MTUS2: variants seen among roughly 807,000 people sequenced by gnomAD.
The protein encoded by MTUS2 is microtubule-associated tumor suppressor candidate 2.
MTUS2 carries 40 observed loss-of-function variants against 114.1 expected under a neutral mutation model. The ratio of observed to expected loss-of-function variants is 0.35; its 90% confidence interval spans 0.27 to 0.46. MTUS2 has a LOEUF of 0.46. MTUS2 is among the 20% of genes least tolerant of loss of function. The probability of loss-of-function intolerance (pLI) is 1.00; values close to 1 mark genes in which losing one functional copy is unlikely to be tolerated. For synonymous variants in MTUS2, 688 were observed against 672.0 expected (o/e 1.02, Z -0.37); for missense variants, 1,679 against 1,705.4 (o/e 0.98, Z 0.27).
At chr13:29,481,315 C>T (rs1881153122) in intron 10 of MTUS2, among the ~76,000 whole-genome samples, 2 of 152,206 alleles carry the variant, frequency 1.3e-5, no homozygotes, top group Admixed American at 1.3e-4. Context: ...TTGTCCATGA[C>T]TGCCGTTAGC....
At chr13:29,209,691 T>C (rs556221043) in intron 5 of MTUS2, among the ~76,000 whole-genome samples, 3 of 152,304 alleles carry the variant, frequency 2.0e-5, no homozygotes, top group African/African-American at 7.2e-5. Context: ...TTATGAAGCT[T>C]AGTTTCATGA....
chr13:29,433,178 T>C (rs1430198002), intron 8 of MTUS2, among the ~76,000 whole-genome samples: 1 of 152,228 alleles, frequency 6.6e-6, no homozygotes, highest in Non-Finnish European at 1.5e-5. Flanking sequence ...TATTCCCTTA[T>C]TAACTACAGC....
intron 6 of MTUS2, among the ~76,000 whole-genome samples, chr13:29,286,072 C>T (rs901112911): frequency 6.6e-6 from 1 of 152,012 alleles, no homozygotes; most frequent in East Asian, 1.9e-4. Context: ...ATTACAGATG[C>T]GTGCCACCAT....
intron 2 of MTUS2, among the ~76,000 whole-genome samples, chr13:28,896,652 T>C (rs1316833117): frequency 1.3e-5 from 2 of 152,244 alleles, no homozygotes; most frequent in African/African-American, 4.8e-5. Flanking sequence ...CTTCAAACTA[T>C]ACTACAAGGC....
At chr13:28,849,960 G>A (rs1593244362) in intron 2 of MTUS2, among the ~76,000 whole-genome samples, 1 of 152,086 alleles carries the variant, frequency 6.6e-6, no homozygotes, top group Non-Finnish European at 1.5e-5. Flanking sequence ...ACAAGGTAGT[G>A]TCATGTTTTA....
intron 5 of MTUS2, among the ~76,000 whole-genome samples, chr13:29,171,016 C>T (rs934922377): frequency 6.6e-6 from 1 of 152,130 alleles, no homozygotes; most frequent in Non-Finnish European, 1.5e-5. Flanking sequence ...TAGAAATTTC[C>T]TGTACCTTTT....
chr13:28,822,334 T>C (rs1473357547), intron 1 of MTUS2, among the ~76,000 whole-genome samples: 2 of 152,160 alleles, frequency 1.3e-5, no homozygotes, highest in Admixed American at 1.3e-4. Flanking sequence ...ACTAGACTGT[T>C]AAAGCCAAAA....
intron 5 of MTUS2, among the ~76,000 whole-genome samples, chr13:29,238,195 A>G (rs1167735624): frequency 6.6e-6 from 1 of 152,254 alleles, no homozygotes; most frequent in African/African-American, 2.4e-5. Flanking sequence ...ATTAAAAAAT[A>G]TAGCATACAA....
chr13:29,054,223 T>G (rs1251562390), intron 4 of MTUS2, among the ~76,000 whole-genome samples: 1 of 152,324 alleles, frequency 6.6e-6, no homozygotes, highest in East Asian at 1.9e-4. Flanking sequence ...TTTGGTGAAG[T>G]GTGTGTTCAA....
rs112302589 is a variant in MTUS2 at position 28,969,977 on chromosome 13, C to T, written c.-242-54480C>T. On this transcript the variant is annotated intron_variant, in intron 2 of 15. Transcript: ENST00000612955. ...TGTAATTTTAGTAGAGACAGGGTTT[C>T]ACCATGTTGCCAGGCTGGTCTTGAA... 2.3e-3 allele frequency among the ~76,000 whole-genome samples: 351 copies of T among 152,298 alleles called. 3 individuals carry two copies. Among genetic ancestry groups the T allele is most frequent in the African/African-American group, 8.1e-3 (335 of 41,568 alleles).
rs1593442094 is a variant in MTUS2, at chr13:29,068,730, AG to A, written c.2447-32040del. 2.6e-5 allele frequency among the ~76,000 whole-genome samples: 4 copies of A among 152,272 alleles called. No individual in the cohort carries two copies. The East Asian group carries it at 7.7e-4, about 29-fold the overall frequency. On this transcript the variant is annotated intron_variant, in intron 4 of 15. Transcript: ENST00000612955. Reference sequence around the variant, plus strand: ...TGAGGAAATGGCAGGAAAGGAAGAAAGGGTGCTTCAGACAGAGGGAATGGTA... The same window carrying A: ...TGAGGAAATGGCAGGAAAGGAAGAAAGGTGCTTCAGACAGAGGGAATGGTA...
chr13:28,870,183 A>G (rs1393115434), intron 2 of MTUS2, among the ~76,000 whole-genome samples: 1 of 152,220 alleles, frequency 6.6e-6, no homozygotes, highest in African/African-American at 2.4e-5. Context: ...GGTAACTATC[A>G]GACTCTGATT....
In MTUS2 at chr13:29,505,170, T is replaced by G. The variant is rs1883150199; in HGVS notation, c.*1964T>G. Reference sequence around the variant, plus strand: ...CCACATTGACTAAATACACAAGTATTTATTCTAGTAGCAGGCACAACCTGC... The same window carrying G: ...CCACATTGACTAAATACACAAGTATGTATTCTAGTAGCAGGCACAACCTGC... On this transcript the variant is annotated 3_prime_UTR_variant, in exon 16 of 16. Transcript: ENST00000612955. 4.3e-6 allele frequency: 1 copy of G among 232,004 alleles called. No homozygotes were observed. Among genetic ancestry groups the G allele is most frequent in the Non-Finnish European group, 8.5e-6 (1 of 117,074 alleles). The allele number at this position is 232,004 out of a possible 1,614,324, so 14.4% of individuals were successfully genotyped here.
intron 5 of MTUS2, among the ~76,000 whole-genome samples, chr13:29,163,191 C>T (rs1461860582): frequency 6.6e-6 from 1 of 152,078 alleles, no homozygotes; most frequent in Non-Finnish European, 1.5e-5. Flanking sequence ...TTAAAAATAA[C>T]ATTAAAATTC....
intron 5 of MTUS2, among the ~76,000 whole-genome samples, chr13:29,172,292 A>C (rs2139123839): frequency 6.6e-6 from 1 of 152,288 alleles, no homozygotes; most frequent in East Asian, 1.9e-4. Context: ...TCCCCCTCAA[A>C]CATGCTGGCT....
intron 5 of MTUS2, among the ~76,000 whole-genome samples, chr13:29,195,560 AAGAG>A (rs1894657010): frequency 6.8e-6 from 1 of 147,124 alleles, no homozygotes; most frequent in Non-Finnish European, 1.5e-5. Flanking sequence ...AAAAAAAAAA[AAGAG>A]CTACAGTAGT....
At chr13:29,340,154 C>T (rs1471708042) in intron 7 of MTUS2, among the ~76,000 whole-genome samples, 2 of 152,178 alleles carry the variant, frequency 1.3e-5, no homozygotes, top group Admixed American at 1.3e-4. Context: ...TCACGGGGTG[C>T]AGCTGCAGCG....
At position 29,228,382 on chromosome 13, in the gene MTUS2, G is replaced by A. The variant is rs759000283; in HGVS notation, c.2645-53322G>A. ...GTTGCCCAGGCTGAAGTACAGTGAC[G>A]TGACCATAGCTCACTGCAGCCACAA... On this transcript the variant is annotated intron_variant, in intron 5 of 15. Coordinates refer to ENST00000612955, the MANE Select transcript of MTUS2 (RefSeq NM_001033602.4). Among the ~76,000 whole-genome samples the A allele has an allele frequency of 3.6e-4, 54 of 152,094 alleles. 1 individual carries two copies. The highest frequency in any genetic ancestry group is 6.2e-4 in the South Asian group (3 of 4,824).
chr13:28,884,973 T>C (rs1361257009), intron 2 of MTUS2, among the ~76,000 whole-genome samples: 1 of 152,188 alleles, frequency 6.6e-6, no homozygotes. Flanking sequence ...TGTGTGTGTG[T>C]GTGTATAAAA....
Sources: gnomAD v4.1 joint callset for allele counts (sites outside exome capture counted in the v4.1 genomes callset) on GRCh38, gnomAD v4.1.1 for gene constraint, MANE v1.5 for transcripts, NCBI Gene and HGNC (gene_info 2026-07-23, HGNC 2026-07-21) for gene names.